Variants in CEP131 observed in about 807,000 individuals in gnomAD.
CEP131 encodes the protein centrosomal protein 131.
In CEP131, 99 loss-of-function variants were observed where a neutral mutation model predicts 136.8. The ratio of observed to expected loss-of-function variants is 0.72; its 90% CI spans 0.62 to 0.86. The LOEUF (loss-of-function observed/expected upper bound fraction) is 0.86. Ranked by LOEUF, CEP131 falls within the 40% of genes least tolerant of loss-of-function variation. The pLI is 0.00. For missense variants in CEP131, 1,459 were observed against 1,463.0 expected (o/e 1.00, Z 0.04); for synonymous variants, 646 against 612.7 (o/e 1.05, Z -0.80).
intron 24 of CEP131, 60 bp downstream of exon 24, chr17:81,190,579 A>C: frequency 6.9e-7 from 1 of 1,452,062 alleles, no homozygotes; most frequent in Non-Finnish European, 9.0e-7. Flanking sequence ...GGAGCTGCAG[A>C]GGTCCTGCCC....
Position 81,196,723 on chromosome 17 carries a change from C to T in CEP131, c.1877G>A (p.Arg626Gln), listed in dbSNP as rs755829552. 1.7e-5 allele frequency: 27 copies of T among 1,605,396 alleles called. No individual in the cohort carries two copies. The highest frequency in any genetic ancestry group is 8.4e-5 in the Admixed American group (5 of 59,384). The change falls in exon 15 of 26, where the codon CGG (arginine) becomes CAG (glutamine). Residue 626 changes from arginine (R) to glutamine (Q), a missense_variant. By Grantham distance (43) the Arg-to-Gln change is conservative (BLOSUM62 1). Coordinates refer to ENST00000450824, the MANE Select transcript of CEP131 (RefSeq NM_014984.4). ...CACCTGGTCAATGAAGGCCAAGTGC[C>T]GCTGGATGGTGGCCTCGTAGTGCTC... Reference protein sequence around the residue: ...QREHYEATIQRHLAFIDQLIE... With the variant: ...QREHYEATIQQHLAFIDQLIE...
chr17:81,212,129 C>T (rs2062144836), intron 2 of CEP131, among the ~76,000 whole-genome samples: 1 of 150,864 alleles, frequency 6.6e-6, no homozygotes, highest in African/African-American at 2.4e-5. Context: ...AGCCTGGCCA[C>T]CATGGTGAAA....
At position 81,190,754 on chromosome 17, in the gene CEP131, G is replaced by A. The variant is rs746707553; in HGVS notation, c.2992C>T (p.Arg998Cys). Residue 998 changes from arginine (R) to cysteine (C), a missense_variant, in exon 24 of 26, where the codon CGC becomes TGC. Arg to Cys is a radical substitution (Grantham distance 180, BLOSUM62 -3). Around this residue, in one of 3 missense-constraint regions of CEP131, gnomAD observed 1,026 missense variants for 964.2 expected, o/e 1.06. Transcript: ENST00000450824. Reference sequence around the variant, plus strand: ...GCCAGCCGGTCCTCGAACTCCTGGCGGATCACCTGGGCCAGGTTGCTGCGC... The same window carrying A: ...GCCAGCCGGTCCTCGAACTCCTGGCAGATCACCTGGGCCAGGTTGCTGCGC... ...SERSNLAQVI[R>C]QEFEDRLAAS... The A allele has an allele frequency of 1.4e-5, 23 of 1,611,828 alleles. No individual in the cohort carries two copies. Among genetic ancestry groups the A allele is most frequent in the Admixed American group, 3.3e-5 (2 of 59,946 alleles).
intron 1 of CEP131, 110 bp from the exon 2 acceptor site, chr17:81,220,183 T>C: frequency 1.1e-6 from 1 of 919,112 alleles, no homozygotes; most frequent in African/African-American, 1.7e-5. Flanking sequence ...CCAAACTTCC[T>C]GGGAAGGCCT....
chr17:81,194,222 G>A (rs1255171828), intron 17 of CEP131, 95 bp from the exon 18 acceptor site: 2 of 1,218,286 alleles, frequency 1.6e-6, no homozygotes, highest in Admixed American at 6.6e-5. Flanking sequence ...GGCCCAGAGG[G>A]GACCCCGCCC....
chr17:81,202,224 C>T lies in CEP131; in HGVS notation c.788+16G>A. The T allele has an allele frequency of 1.3e-6, 2 of 1,575,722 alleles. No homozygotes were observed. Among genetic ancestry groups the T allele is most frequent in the Non-Finnish European group, 1.7e-6 (2 of 1,158,142 alleles). ...TCTAGGCTCAGGCCCCCCCCCACCG[C>T]CCCAAGATCGGTCACCTCTCAGCCT... On this transcript the variant is annotated intron_variant, in intron 7 of 25. Coordinates refer to ENST00000450824, the MANE Select transcript of CEP131 (RefSeq NM_014984.4).
At chr17:81,214,271 TAC>T (rs974076519) in intron 2 of CEP131, among the ~76,000 whole-genome samples, 19 of 152,228 alleles carry the variant, frequency 1.2e-4, no homozygotes, top group Admixed American at 6.5e-5. Context: ...TTAAAAATCG[TAC>T]AGTCACGCCG....
intron 2 of CEP131, among the ~76,000 whole-genome samples, chr17:81,212,438 G>T (rs1027294659): frequency 1.3e-5 from 2 of 152,198 alleles, no homozygotes; most frequent in Admixed American, 6.5e-5. Flanking sequence ...CTGGACAGGA[G>T]TGGGGCCCGT....
At position 81,220,067 on chromosome 17, in the gene CEP131, G is replaced by A. The variant is rs200758952; in HGVS notation, c.-11C>T. ...CCGGGTGCCTTTCATGGTGGACAAG[G>A]CAGGTCCTGAGCGGGGAAGCAAGAG... On this transcript the variant is annotated 5_prime_UTR_variant, in exon 2 of 26. Coordinates refer to ENST00000450824, the MANE Select transcript of CEP131 (RefSeq NM_014984.4). 655 of 1,554,192 alleles carry A rather than the reference G, an allele frequency of 4.2e-4. 5 individuals are homozygous for A. The South Asian group carries it at 5.2e-3, about 12-fold the overall frequency.
chr17:81,192,922 A>AC (rs1440344359), intron 18 of CEP131, 79 bp from the exon 19 acceptor site: 1 of 1,522,010 alleles, frequency 6.6e-7, no homozygotes, highest in Non-Finnish European at 8.8e-7. Flanking sequence ...GCACGGGCCG[A>AC]CCACAGGCCT....
In CEP131 at chr17:81,198,961, G is replaced by C. The variant is rs1415680327; in HGVS notation, c.1203C>G (p.Leu401=). ...AGCGGTCTCCGGGGCCTGCAGCAGG[G>C]AGGCCACCACCTGCACAGCAGAACA... ...ALKANNTGGG[L]PAAGPGDRCL... is the part of the protein sequence containing the mutation. Residue 401 remains leucine (L), a synonymous_variant, in exon 11 of 26, where the codon CTC becomes CTG. Transcript: ENST00000450824. 6 of 1,572,240 alleles carry C rather than the reference G, an allele frequency of 3.8e-6. No individual in the cohort carries two copies. The highest frequency in any genetic ancestry group is 5.2e-6 in the Non-Finnish European group (6 of 1,161,178).
At chr17:81,214,675 C>T (rs2146713438) in intron 2 of CEP131, among the ~76,000 whole-genome samples, 1 of 152,250 alleles carries the variant, frequency 6.6e-6, no homozygotes, top group South Asian at 2.1e-4. Context: ...GCACGTGTGC[C>T]AACCAGAGCA....
chr17:81,204,405 G>A (rs991260003), intron 5 of CEP131, among the ~76,000 whole-genome samples: 1 of 152,146 alleles, frequency 6.6e-6, no homozygotes, highest in African/African-American at 2.4e-5. Flanking sequence ...CCCTGGGGCG[G>A]GCTGGGGGTT....
chr17:81,191,906 G>GA (rs2146487567), intron 21 of CEP131, among the ~76,000 whole-genome samples: 2 of 152,282 alleles, frequency 1.3e-5, no homozygotes, highest in South Asian at 2.1e-4. Flanking sequence ...TGGGTGGTGA[G>GA]AATGTGTGTG....
intron 1 of CEP131, 65 bp from the exon 2 acceptor site, chr17:81,220,138 A>G (rs539177504): frequency 7.7e-7 from 1 of 1,304,518 alleles, no homozygotes; most frequent in Non-Finnish European, 9.9e-7. Context: ...TGCACCCACC[A>G]TCTCCAGCCC....
intron 2 of CEP131, among the ~76,000 whole-genome samples, chr17:81,214,974 T>TAGC (rs2062214669): frequency 6.6e-6 from 1 of 152,026 alleles, no homozygotes; most frequent in Non-Finnish European, 1.5e-5. Flanking sequence ...AGATGGGGTT[T>TAGC]CACCGTGTTA....
intron 10 of CEP131, 49 bp downstream of exon 10, chr17:81,199,332 T>C (rs1598285511): frequency 2.6e-6 from 4 of 1,528,368 alleles, no homozygotes; most frequent in African/African-American, 1.4e-5. Context: ...ACTTCCTTCC[T>C]GGCTGCAGTC....
In CEP131 at chr17:81,192,131, A is replaced by G. The variant is rs377026474; in HGVS notation, c.2622+187T>C. 3.3e-5 allele frequency among the ~76,000 whole-genome samples: 5 copies of G among 152,176 alleles called. No homozygotes were observed. The East Asian group carries it at 9.7e-4, about 29-fold the overall frequency. On this transcript the variant is annotated intron_variant, in intron 21 of 25. Transcript: ENST00000450824. ...CCTTGATCCTTCCAGAGCCCACGCA[A>G]AAGATGGGCTGAAAGCAACACACTC...
At chr17:81,210,752 AAG>A (rs1478832710) in intron 2 of CEP131, among the ~76,000 whole-genome samples, 7 of 152,040 alleles carry the variant, frequency 4.6e-5, no homozygotes, top group Non-Finnish European at 8.8e-5. Context: ...TTCCCAGGAA[AAG>A]AGACCTATGA....
Sources: gnomAD v4.1 joint callset for allele counts (sites outside exome capture counted in the v4.1 genomes callset) on GRCh38, gnomAD v4.1.1 for gene constraint, gnomAD v4.1.1 regional missense constraint, MANE v1.5 for transcripts, NCBI Gene and HGNC (gene_info 2026-07-23, HGNC 2026-07-21) for gene names.